UNKL: variants seen among roughly 807,000 people sequenced by gnomAD.
UNKL encodes the protein putative E3 ubiquitin-protein ligase UNKL.
A neutral mutation model predicts 78.0 loss-of-function variants in UNKL; 60 were observed. The observed-to-expected ratio is 0.77, with a 90% CI of 0.63 to 0.95. The LOEUF is 0.95. UNKL is among the 40% of genes least tolerant of loss of function. The probability of loss-of-function intolerance (pLI) is 0.00; values close to 1 mark genes in which losing one functional copy is unlikely to be tolerated. For synonymous variants in UNKL, 608 were observed against 474.8 expected (o/e 1.28, Z -3.65); for missense variants, 1,159 against 1,045.7 (o/e 1.11, Z -1.49).
At chr16:1,391,256 AC>A (rs2037040795) in intron 8 of UNKL, among the ~76,000 whole-genome samples, 31 of 143,312 alleles carry the variant, frequency 2.2e-4, no homozygotes, top group Non-Finnish European at 3.2e-4. Flanking sequence ...ACACACACAC[AC>A]ACACACACAC....
intron 2 of UNKL, among the ~76,000 whole-genome samples, chr16:1,407,826 C>T (rs965915004): frequency 6.6e-6 from 1 of 152,180 alleles, no homozygotes; most frequent in Non-Finnish European, 1.5e-5. Context: ...CAGGAGCGCT[C>T]TTCTGGACAG....
chr16:1,370,476 G>C, intron 11 of UNKL, 119 bp from the exon 12 acceptor site: 1 of 1,379,888 alleles, frequency 7.2e-7, no homozygotes, highest in Non-Finnish European at 9.6e-7. Flanking sequence ...GATATGGGGG[G>C]TGGGAATATA....
intron 2 of UNKL, among the ~76,000 whole-genome samples, chr16:1,405,469 C>T (rs1454296691): frequency 1.3e-5 from 2 of 151,578 alleles, no homozygotes; most frequent in African/African-American, 2.4e-5. Context: ...CCCAGCTACT[C>T]GGGAGGCTGA....
chr16:1,391,203 T>C (rs1194625278), intron 8 of UNKL, among the ~76,000 whole-genome samples: 4 of 149,486 alleles, frequency 2.7e-5, no homozygotes, highest in Non-Finnish European at 4.5e-5. Flanking sequence ...ACAATATATA[T>C]GTACCTATTC....
At chr16:1,386,930 G>C (rs538848702) in intron 9 of UNKL, among the ~76,000 whole-genome samples, 2 of 152,142 alleles carry the variant, frequency 1.3e-5, no homozygotes, top group African/African-American at 4.8e-5. Context: ...GCCCAGGTGC[G>C]AGAAGGGGCC....
rs933862172 is a variant in UNKL at position 1,385,329 on chromosome 16, G to A, written c.1143C>T (p.Ser381=). Reference sequence around the variant, plus strand: ...CGCTGGACGCCAGGCTGGACGCCACGCTGGAGCTCACGCTGGGGGCCGGCG... The same window carrying A: ...CGCTGGACGCCAGGCTGGACGCCACACTGGAGCTCACGCTGGGGGCCGGCG... ...VHPPAPSVSS[S]VASSLASSAG... is the part of the protein sequence containing the mutation. The change falls in exon 10 of 15, where the codon AGC becomes AGT. Residue 381 remains serine (S), a synonymous_variant. Coordinates refer to ENST00000389221, the MANE Select transcript of UNKL (RefSeq NM_001372107.1). 8.8e-5 allele frequency: 126 copies of A among 1,427,996 alleles called. 1 individual carries two copies. The highest frequency in any genetic ancestry group is 6.9e-4 in the Admixed American group (24 of 35,014). The allele number at this position is 1,427,996 out of a possible 1,614,324, so 88.5% of individuals were successfully genotyped here.
Position 1,385,260 on chromosome 16 carries a change from G to A in UNKL, c.1212C>T (p.Pro404=), listed in dbSNP as rs779353282. ...CGGGGCCGAGCGGGAGGGCACGGGC[G>A]GGGGGCGCGGGCAGCGCAGTGGGGG... ...SSSPTALPAP[P]ARALPLGPAS... is the part of the protein sequence containing the mutation. The change falls in exon 10 of 15, where the codon CCC becomes CCT. Residue 404 remains proline, a synonymous_variant. Coordinates refer to ENST00000389221, the MANE Select transcript of UNKL (RefSeq NM_001372107.1). 8.8e-5 allele frequency: 117 copies of A among 1,326,990 alleles called. No individual in the cohort carries two copies. The African/African-American group carries it at 1.4e-3, about 16-fold the overall frequency. The allele number at this position is 1,326,990 out of a possible 1,614,324, so 82.2% of individuals were successfully genotyped here.
chr16:1,388,825 C>T (rs1183371167), intron 9 of UNKL, among the ~76,000 whole-genome samples: 1 of 152,178 alleles, frequency 6.6e-6, no homozygotes, highest in Non-Finnish European at 1.5e-5. Flanking sequence ...ACACCAGCAC[C>T]GTTCGCCCCG....
intron 10 of UNKL, among the ~76,000 whole-genome samples, chr16:1,380,966 C>A (rs1459175401): frequency 1.3e-5 from 2 of 152,180 alleles, no homozygotes; most frequent in Admixed American, 1.3e-4. Context: ...TGAGCCACTG[C>A]TCACGGCTCA....
chr16:1,394,067 C>T, intron 7 of UNKL, 64 bp downstream of exon 7: 1 of 1,499,930 alleles, frequency 6.7e-7, no homozygotes, highest in Non-Finnish European at 9.1e-7. Flanking sequence ...TCGGTAACTC[C>T]AGTGAGGGCC....
intron 10 of UNKL, among the ~76,000 whole-genome samples, chr16:1,380,818 G>A (rs1159507933): frequency 6.6e-6 from 1 of 151,890 alleles, no homozygotes. Flanking sequence ...GGGATTACAG[G>A]AGCAAGCCAC....
In UNKL at chr16:1,364,261, A is replaced by G. The variant is rs1246614462; in HGVS notation, c.*1979T>C. 4 of 152,218 alleles carry G rather than the reference A, an allele frequency of 2.6e-5. No homozygotes were observed. Among genetic ancestry groups the G allele is most frequent in the Admixed American group, 2.0e-4 (3 of 15,268 alleles). The allele number at this position is 152,218 out of a possible 1,614,324, so 9.4% of individuals were successfully genotyped here. The stretch of plus-strand genomic sequence containing the variant: ...GAATGTCACGGACCCACTTCCTTTA[A>G]AACAACAGAATGTTGCTATCAGTTT... On this transcript the variant is annotated 3_prime_UTR_variant, in exon 15 of 15. Coordinates refer to ENST00000389221, the MANE Select transcript of UNKL (RefSeq NM_001372107.1).
chr16:1,409,504 G>T (rs1389939387), intron 2 of UNKL, among the ~76,000 whole-genome samples: 1 of 152,042 alleles, frequency 6.6e-6, no homozygotes, highest in Non-Finnish European at 1.5e-5. Flanking sequence ...AATAAAATAA[G>T]GAAATTTCCT....
chr16:1,407,693 CAA>C (rs796468528), intron 2 of UNKL, among the ~76,000 whole-genome samples: 33 of 80,476 alleles, frequency 4.1e-4, no homozygotes, highest in Admixed American at 5.5e-4. Flanking sequence ...GAGGCCCTGT[CAA>C]AAAAAAAAAA....
chr16:1,375,048 G>T (rs944344164), intron 10 of UNKL, among the ~76,000 whole-genome samples: 2 of 152,194 alleles, frequency 1.3e-5, no homozygotes, highest in African/African-American at 4.8e-5. Flanking sequence ...ACCAGTCAGC[G>T]CCACGGGGAC....
In UNKL at chr16:1,395,127, C is replaced by T. The variant is rs549124865; in HGVS notation, c.853-912G>A. 3.7e-4 allele frequency among the ~76,000 whole-genome samples: 56 copies of T among 150,240 alleles called. 1 individual carries two copies. In the South Asian group the frequency reaches 0.011, roughly 31 times the overall value. On this transcript the variant is annotated intron_variant, in intron 6 of 14. Transcript: ENST00000389221. ...TCCTGACCTCGGCCCCACAAAGTGC[C>T]GGGATTACAGGCGTGAACCACCGTG...
Position 1,399,877 on chromosome 16 carries a change from T to G in UNKL, c.599-368A>C, listed in dbSNP as rs1004504342. Among the ~76,000 whole-genome samples, 1 of 152,028 alleles carries G rather than the reference T, an allele frequency of 6.6e-6. No homozygotes were observed. The highest frequency in any genetic ancestry group is 6.6e-5 in the Admixed American group (1 of 15,254). ...AGAGAGGTGATGTGTGCACAGCTTT[T>G]GAGAATATGCTAAAATCCAGAGACA... On this transcript the variant is annotated intron_variant, in intron 4 of 14. Transcript: ENST00000389221. This position sits in a 1 kb window ranked among gnomAD's most constrained non-coding sequence, Gnocchi z 5.8.
At chr16:1,371,016 G>T (rs1567202806) in intron 11 of UNKL, among the ~76,000 whole-genome samples, 1 of 150,862 alleles carries the variant, frequency 6.6e-6, no homozygotes, top group Non-Finnish European at 1.5e-5. Flanking sequence ...CCGGGAGGTG[G>T]AGCTTGCAGT....
chr16:1,399,230 G>A lies in UNKL; in HGVS notation c.734+144C>T. ...CCATGGCACCTCCCACAGCCACTGT[G>A]CTTGGAGATGCCCTCCCCTCCCGGG... On this transcript the variant is annotated intron_variant, in intron 5 of 14. Transcript: ENST00000389221. This position sits in a 1 kb window ranked among gnomAD's most constrained non-coding sequence, Gnocchi z 5.8. 1 of 1,347,326 alleles carries A rather than the reference G, an allele frequency of 7.4e-7. No homozygotes were observed. Among genetic ancestry groups the A allele is most frequent in the Non-Finnish European group, 9.8e-7 (1 of 1,021,654 alleles). The allele number at this position is 1,347,326 out of a possible 1,614,324, so 83.5% of individuals were successfully genotyped here. A position where few individuals can be genotyped will look rare whatever the true frequency, so the allele number is the denominator to read the frequency against.
Sources: gnomAD v4.1 joint callset for allele counts (sites outside exome capture counted in the v4.1 genomes callset) on GRCh38, gnomAD v4.1.1 for gene constraint, Gnocchi (gnomAD v3.1) non-coding constraint, MANE v1.5 for transcripts, NCBI Gene and HGNC (gene_info 2026-07-23, HGNC 2026-07-21) for gene names.